The following KLHL1 variants were observed in gnomAD, a reference collection of about 807,000 sequenced individuals.
KLHL1 encodes kelch-like protein 1.
Under a neutral mutation model 77.7 loss-of-function variants are expected in KLHL1, and 47 were observed. The observed-to-expected ratio is 0.60, with a 90% CI of 0.48 to 0.77. The LOEUF is 0.77. Ranked by LOEUF, KLHL1 falls within the 30% of genes least tolerant of loss-of-function variation. The pLI is 0.00. For missense variants in KLHL1, 925 were observed against 910.8 expected (o/e 1.02, Z -0.20); for synonymous variants, 360 against 325.2 (o/e 1.11, Z -1.15).
At chr13:70,014,464 A>G (rs1214187587) in intron 1 of KLHL1, among the ~76,000 whole-genome samples, 1 of 152,140 alleles carries the variant, frequency 6.6e-6, no homozygotes, top group Non-Finnish European at 1.5e-5. Flanking sequence ...TTCCAATAGC[A>G]TTTATCAGAT....
intron 4 of KLHL1, among the ~76,000 whole-genome samples, chr13:69,923,655 A>G (rs1882715116): frequency 6.6e-6 from 1 of 152,214 alleles, no homozygotes; most frequent in Non-Finnish European, 1.5e-5. Context: ...ATGAAAAATT[A>G]CAATATAAGG....
intron 4 of KLHL1, among the ~76,000 whole-genome samples, chr13:69,926,946 CAAAAA>C (rs71116960): frequency 5.6e-5 from 2 of 36,034 alleles, no homozygotes; most frequent in African/African-American, 1.3e-4. Context: ...GACTCCATCT[CAAAAA>C]AAAAAAAAAA....
At chr13:70,011,782 A>G (rs1885538650) in intron 1 of KLHL1, among the ~76,000 whole-genome samples, 1 of 152,174 alleles carries the variant, frequency 6.6e-6, no homozygotes, top group Non-Finnish European at 1.5e-5. Flanking sequence ...TTGTTACTCT[A>G]TTCAGGCAAT....
chr13:70,089,060 A>G (rs1887614437), intron 1 of KLHL1, among the ~76,000 whole-genome samples: 1 of 152,178 alleles, frequency 6.6e-6, no homozygotes, highest in Non-Finnish European at 1.5e-5. Flanking sequence ...TAACTATGGC[A>G]TTCTAGCCTA....
chr13:69,878,736 T>TGAGA (rs927201840), intron 5 of KLHL1, among the ~76,000 whole-genome samples: 1 of 130,310 alleles, frequency 7.7e-6, no homozygotes, highest in East Asian at 2.2e-4. Flanking sequence ...AGAGAGAGAG[T>TGAGA]GAGAGAGAGA....
At chr13:69,794,655 C>T (rs1877024893) in intron 7 of KLHL1, among the ~76,000 whole-genome samples, 1 of 151,690 alleles carries the variant, frequency 6.6e-6, no homozygotes, top group African/African-American at 2.4e-5. Flanking sequence ...GAAATAGGAA[C>T]AGTACGTAGC....
At chr13:69,979,134 G>T (rs2137296666) in intron 1 of KLHL1, among the ~76,000 whole-genome samples, 1 of 150,490 alleles carries the variant, frequency 6.6e-6, no homozygotes, top group South Asian at 2.1e-4. Flanking sequence ...TTGAAAGAAT[G>T]GGATTAAAAA....
chr13:69,858,306 G>A (rs902068717), intron 5 of KLHL1, among the ~76,000 whole-genome samples: 1 of 152,108 alleles, frequency 6.6e-6, no homozygotes, highest in Non-Finnish European at 1.5e-5. Flanking sequence ...TGAGAGAGGA[G>A]AGATAGACCT....
chr13:69,772,721 T>C (rs973024305), intron 7 of KLHL1, among the ~76,000 whole-genome samples: 1 of 152,212 alleles, frequency 6.6e-6, no homozygotes, highest in Non-Finnish European at 1.5e-5. Flanking sequence ...TTGGTTGCAA[T>C]GGTAGCTGTT....
At chr13:69,703,488 T>C (rs1414400441) in intron 10 of KLHL1, among the ~76,000 whole-genome samples, 4 of 151,322 alleles carry the variant, frequency 2.6e-5, no homozygotes, top group African/African-American at 7.3e-5. Flanking sequence ...TAATTTATTA[T>C]TAAAGAAAGA....
At chr13:70,050,962 A>G (rs1446724016) in intron 1 of KLHL1, among the ~76,000 whole-genome samples, 116 of 152,074 alleles carry the variant, frequency 7.6e-4, no homozygotes, top group Non-Finnish European at 8.8e-5. Context: ...CTCTAACTTC[A>G]TACTTAGAAT....
At chr13:69,772,258 T>C (rs903802560) in intron 7 of KLHL1, among the ~76,000 whole-genome samples, 5 of 151,970 alleles carry the variant, frequency 3.3e-5, no homozygotes, top group African/African-American at 1.2e-4. Context: ...ATTATAATAA[T>C]GTACATATTT....
chr13:69,966,687 G>A (rs1884221283), intron 2 of KLHL1, among the ~76,000 whole-genome samples: 1 of 152,016 alleles, frequency 6.6e-6, no homozygotes, highest in African/African-American at 2.4e-5. Flanking sequence ...GGTCAATACA[G>A]GGTTTTTAGG....
At chr13:69,797,666 A>C (rs1343077024) in intron 6 of KLHL1, among the ~76,000 whole-genome samples, 2 of 149,526 alleles carry the variant, frequency 1.3e-5, no homozygotes, top group East Asian at 2.0e-4. Flanking sequence ...AAAATACAAA[A>C]AAAAAAAAAA....
chr13:70,035,022 ATAAT>A (rs1199586454), intron 1 of KLHL1, among the ~76,000 whole-genome samples: 2 of 152,266 alleles, frequency 1.3e-5, no homozygotes, highest in African/African-American at 2.4e-5. Context: ...TACTTATAGA[ATAAT>A]TAAGCACACT....
rs1486460814 is a variant in KLHL1 at position 70,107,453 on chromosome 13, A to G, written c.247T>C (p.Ser83Pro). Reference protein sequence around the residue: ...SSSSSSSSSPSSSSSSFNPLN... With the variant: ...SSSSSSSSSPPSSSSSFNPLN... ...GGATTGAAGGAAGAGGAGGAAGAGG[A>G]CGGGGAGGACGATGAAGAGGAAGAG... The change falls in exon 1 of 11, where the codon TCC becomes CCC. Residue 83 changes from serine to proline, a missense_variant. By Grantham distance (74) the Ser-to-Pro change is moderately conservative (BLOSUM62 -1). Coordinates refer to ENST00000377844, the MANE Select transcript of KLHL1 (RefSeq NM_020866.3). 5 of 1,613,926 alleles carry G rather than the reference A, an allele frequency of 3.1e-6. No individual in the cohort carries two copies. The highest frequency in any genetic ancestry group is 4.2e-6 in the Non-Finnish European group (5 of 1,179,954).
At chr13:70,104,690 A>C (rs148178124) in intron 1 of KLHL1, among the ~76,000 whole-genome samples, 2 of 152,164 alleles carry the variant, frequency 1.3e-5, no homozygotes, top group Non-Finnish European at 2.9e-5. Context: ...GTTTGGTGAT[A>C]TGATAATGAC....
chr13:70,033,604 C>CTT lies in KLHL1; in HGVS notation c.498-57804_498-57803dup, dbSNP rs71116981. On this transcript the variant is annotated intron_variant, in intron 1 of 10. Coordinates refer to ENST00000377844, the MANE Select transcript of KLHL1 (RefSeq NM_020866.3). Reference sequence around the variant, plus strand: ...TACAGGTGTGAGTCACCGCAACTGGCTTTTTTTTTTTTTTTTTTTTTTTTT... The same window carrying CTT: ...TACAGGTGTGAGTCACCGCAACTGGCTTTTTTTTTTTTTTTTTTTTTTTTTTT... 1.6e-3 allele frequency among the ~76,000 whole-genome samples: 74 copies of CTT among 47,190 alleles called. 6 individuals carry two copies. The highest frequency in any genetic ancestry group is 1.9e-3 in the South Asian group (2 of 1,042). 31.0% of individuals were successfully genotyped at this position (47,190 alleles called of 152,430 possible). A position where few individuals can be genotyped will look rare whatever the true frequency, so the allele number is the denominator to read the frequency against.
At chr13:70,005,423 C>T (rs879796387) in intron 1 of KLHL1, among the ~76,000 whole-genome samples, 3 of 151,884 alleles carry the variant, frequency 2.0e-5, no homozygotes, top group Non-Finnish European at 4.4e-5. Context: ...AGAACGTGGC[C>T]CAACACAAAT....
Sources: gnomAD v4.1 joint callset for allele counts (sites outside exome capture counted in the v4.1 genomes callset) on GRCh38, gnomAD v4.1.1 for gene constraint, MANE v1.5 for transcripts, NCBI Gene and HGNC (gene_info 2026-07-23, HGNC 2026-07-21) for gene names.